Variants in RBFOX1 observed in about 807,000 individuals in gnomAD.
RBFOX1 encodes RNA binding protein fox-1 homolog 1.
Under a neutral mutation model 57.7 loss-of-function variants are expected in RBFOX1, and 8 were observed. That is an observed-to-expected ratio of 0.14 (90% CI 0.08 to 0.25). RBFOX1 has a LOEUF of 0.25. Among genes scored for constraint, RBFOX1 ranks in the 10% least tolerant of loss-of-function variants. The pLI, the probability that RBFOX1 is intolerant of heterozygous loss-of-function variation, is 1.00. For missense variants in RBFOX1, 611 were observed against 548.5 expected (o/e 1.11, Z -1.14); for synonymous variants, 326 against 222.4 (o/e 1.47, Z -4.15).
intron 4 of RBFOX1, among the ~76,000 whole-genome samples, chr16:7,275,054 G>C (rs1227127902): frequency 3.9e-5 from 6 of 152,148 alleles, no homozygotes; most frequent in Admixed American, 2.6e-4. Flanking sequence ...GTGGTGGAGA[G>C]GATAGGAAGG....
In RBFOX1 at chr16:5,947,759, C is replaced by G. The variant is rs150225578; in HGVS notation, c.351+80424C>G. 5.9e-4 allele frequency among the ~76,000 whole-genome samples: 90 copies of G among 152,278 alleles called. No homozygotes were observed. The highest frequency in any genetic ancestry group is 1.9e-3 in the African/African-American group (81 of 41,558). On this transcript the variant is annotated intron_variant, in intron 4 of 19. Transcript: ENST00000641259. The surrounding 1 kb of genome is among the most constrained non-coding windows in gnomAD (Gnocchi z 7.2). ...CAGGAACATTCTTAAGGGGGTGTCT[C>G]CACCTAACAGTGCAAGGATACAGCT...
At chr16:6,565,683 T>C (rs113907845) in intron 2 of RBFOX1, among the ~76,000 whole-genome samples, 31 of 147,990 alleles carry the variant, frequency 2.1e-4, no homozygotes, top group East Asian at 1.0e-3. Context: ...TTAGCCAGGA[T>C]GGTCTCGATC....
chr16:5,705,196 C>T (rs1024140301), intron 3 of RBFOX1, among the ~76,000 whole-genome samples: 10 of 152,104 alleles, frequency 6.6e-5, no homozygotes, highest in African/African-American at 2.2e-4. Context: ...TTCCATCATG[C>T]TTCATATTCT....
chr16:6,324,843 G>T (rs147372678), intron 2 of RBFOX1, among the ~76,000 whole-genome samples: 2 of 152,268 alleles, frequency 1.3e-5, no homozygotes, highest in African/African-American at 4.8e-5. Flanking sequence ...CATTATCTCA[G>T]CAAGACAGAG....
chr16:7,092,662 C>T (rs992309360), intron 4 of RBFOX1, among the ~76,000 whole-genome samples: 11 of 152,156 alleles, frequency 7.2e-5, no homozygotes, highest in Non-Finnish European at 1.0e-4. Flanking sequence ...AGAGCCTTTA[C>T]GGACTTGGGC....
chr16:6,296,133 C>A (rs568188148), intron 1 of RBFOX1, among the ~76,000 whole-genome samples: 112 of 152,284 alleles, frequency 7.4e-4, no homozygotes, highest in Non-Finnish European at 1.4e-3. Flanking sequence ...ATGCCTTGGG[C>A]ACGGTTGGAA....
chr16:5,891,089 G>C (rs562589081), intron 4 of RBFOX1, among the ~76,000 whole-genome samples: 1 of 152,170 alleles, frequency 6.6e-6, no homozygotes, highest in Non-Finnish European at 1.5e-5. Context: ...CTTGTCAACC[G>C]TAACTGTTAG....
chr16:5,491,855 C>T (rs1163608403), intron 2 of RBFOX1, among the ~76,000 whole-genome samples: 2 of 152,224 alleles, frequency 1.3e-5, no homozygotes. Flanking sequence ...AAGAACAAAA[C>T]AACAGCAACA....
intron 3 of RBFOX1, among the ~76,000 whole-genome samples, chr16:5,783,232 G>C (rs145511487): frequency 1.6e-4 from 25 of 152,246 alleles, no homozygotes; most frequent in Non-Finnish European, 2.4e-4. Context: ...AGTTCAGTGA[G>C]GTTTTGATAG....
At chr16:7,250,964 G>T (rs1256037911) in intron 4 of RBFOX1, among the ~76,000 whole-genome samples, 1 of 152,138 alleles carries the variant, frequency 6.6e-6, no homozygotes, top group Admixed American at 6.5e-5. Flanking sequence ...GTGGAATGGC[G>T]AAGTCAGGCT....
intron 3 of RBFOX1, among the ~76,000 whole-genome samples, chr16:7,012,096 G>A (rs1023446280): frequency 1.3e-4 from 20 of 152,112 alleles, no homozygotes; most frequent in Non-Finnish European, 2.9e-5. Context: ...AGTCACCAAT[G>A]AGAAACAGCT....
At chr16:7,409,614 G>A (rs1001636547) in intron 4 of RBFOX1, among the ~76,000 whole-genome samples, 4 of 152,138 alleles carry the variant, frequency 2.6e-5, no homozygotes, top group African/African-American at 9.7e-5. Context: ...TCGTTTGGAT[G>A]GTCTTAATAA....
At chr16:7,412,167 C>G (rs115587727) in intron 4 of RBFOX1, among the ~76,000 whole-genome samples, 1 of 152,130 alleles carries the variant, frequency 6.6e-6, no homozygotes, top group African/African-American at 2.4e-5. Context: ...GACACCGTCG[C>G]TCACGGCTGT....
chr16:7,682,927 AAC>A (rs897848787), intron 14 of RBFOX1, among the ~76,000 whole-genome samples: 9 of 139,100 alleles, frequency 6.5e-5, no homozygotes, highest in Non-Finnish European at 1.2e-4. Flanking sequence ...GGTAACTAGA[AAC>A]ACACAGTTAT....
chr16:7,490,774 C>G (rs2066725406), intron 4 of RBFOX1, among the ~76,000 whole-genome samples: 1 of 152,082 alleles, frequency 6.6e-6, no homozygotes, highest in African/African-American at 2.4e-5. Context: ...GTGAAACAAG[C>G]TTTCCCATGT....
chr16:7,122,742 A>C (rs2067480446), intron 4 of RBFOX1, among the ~76,000 whole-genome samples: 1 of 152,178 alleles, frequency 6.6e-6, no homozygotes, highest in Non-Finnish European at 1.5e-5. Flanking sequence ...GATATTGTAT[A>C]TTTATAAAAA....
At chr16:5,552,318 G>C (rs2045497026) in intron 2 of RBFOX1, among the ~76,000 whole-genome samples, 1 of 152,152 alleles carries the variant, frequency 6.6e-6, no homozygotes, top group Non-Finnish European at 1.5e-5. Flanking sequence ...CTAACATGCA[G>C]AGTGTTTCTG....
intron 3 of RBFOX1, among the ~76,000 whole-genome samples, chr16:5,816,661 A>C (rs574539514): frequency 6.6e-6 from 1 of 152,024 alleles, no homozygotes; most frequent in Non-Finnish European, 1.5e-5. Context: ...GATTGTGCCT[A>C]TAGTCCCAAC....
intron 3 of RBFOX1, among the ~76,000 whole-genome samples, chr16:7,037,913 A>T (rs879647171): frequency 1.4e-4 from 22 of 152,222 alleles, no homozygotes; most frequent in African/African-American, 4.8e-4. Flanking sequence ...TTTAATTGGG[A>T]TGCAGATTAT....
Sources: gnomAD v4.1 joint callset for allele counts (sites outside exome capture counted in the v4.1 genomes callset) on GRCh38, gnomAD v4.1.1 for gene constraint, Gnocchi (gnomAD v3.1) non-coding constraint, MANE v1.5 for transcripts, NCBI Gene and HGNC (gene_info 2026-07-23, HGNC 2026-07-21) for gene names.